DDX17: variants seen among roughly 807,000 people sequenced by gnomAD.
DDX17 encodes DEAD-box helicase 17, also known as probable ATP-dependent RNA helicase DDX17.
DDX17 carries 10 observed loss-of-function variants against 80.8 expected under a neutral mutation model. The ratio of observed to expected loss-of-function variants is 0.12; its 90% CI spans 0.08 to 0.21. The LOEUF (loss-of-function observed/expected upper bound fraction) is 0.21. Ranked by LOEUF, DDX17 falls within the 10% of genes least tolerant of loss-of-function variation. The pLI, the probability that DDX17 is intolerant of heterozygous loss-of-function variation, is 1.00. For synonymous variants in DDX17, 339 were observed against 336.2 expected (o/e 1.01, Z -0.09); for missense variants, 586 against 957.4 (o/e 0.61, Z 5.12).
At chr22:38,505,217 C>T (rs2089868710) in intron 1 of DDX17, 1 of 152,198 alleles carries the variant, frequency 6.6e-6, no homozygotes, top group African/African-American at 2.4e-5. Context: ...TCCACAATAC[C>T]AAGAACTTTC....
At chr22:38,502,865 T>C (rs2089844267) in intron 1 of DDX17, among the ~76,000 whole-genome samples, 1 of 152,234 alleles carries the variant, frequency 6.6e-6, no homozygotes, top group Non-Finnish European at 1.5e-5. Flanking sequence ...CTTCATCTTA[T>C]ATAAAGTTCC....
In DDX17 at chr22:38,497,655, A is replaced by G. The variant is rs1032079465; in HGVS notation, c.738+430T>C. Among the ~76,000 whole-genome samples, 3 of 143,492 alleles carry G rather than the reference A, an allele frequency of 2.1e-5. No homozygotes were observed. The Admixed American group carries it at 2.1e-4, about 10-fold the overall frequency. 94.1% of individuals were successfully genotyped at this position (143,492 alleles called of 152,430 possible). ...AAAAAAAAGAAAGAAGGCTGGACGCAGTGGCTCATGCCTGTAATCCCAGCA... is the reference window on the plus strand; with the variant it reads ...AAAAAAAAGAAAGAAGGCTGGACGCGGTGGCTCATGCCTGTAATCCCAGCA... On this transcript the variant is annotated intron_variant, in intron 5 of 12. Coordinates refer to ENST00000403230, the MANE Select transcript of DDX17 (RefSeq NM_006386.5).
At chr22:38,487,409 A>G (rs2066171079) in intron 12 of DDX17, among the ~76,000 whole-genome samples, 2 of 152,178 alleles carry the variant, frequency 1.3e-5, no homozygotes, top group Non-Finnish European at 2.9e-5. Context: ...ACCAGAGGTC[A>G]GGAGTTCGAG....
At chr22:38,498,411 A>G (rs754838109) in intron 4 of DDX17, 29 bp downstream of exon 4, 1 of 1,612,900 alleles carries the variant, frequency 6.2e-7, no homozygotes, top group Admixed American at 1.7e-5. Context: ...TTACCACAAT[A>G]TCAAGGATCT....
chr22:38,487,844 G>C (rs2089675757), intron 12 of DDX17, 35 bp downstream of exon 12: 4 of 1,611,816 alleles, frequency 2.5e-6, no homozygotes, highest in Non-Finnish European at 3.4e-6. Flanking sequence ...GAGATACCTT[G>C]GCAGTACCTG....
At position 38,501,119 on chromosome 22, in the gene DDX17, T is replaced by C. The variant is rs1417929907; in HGVS notation, c.438+11A>G. The C allele has an allele frequency of 9.9e-6, 16 of 1,613,254 alleles. No homozygotes were observed. Among genetic ancestry groups the C allele is most frequent in the Admixed American group, 3.3e-5 (2 of 59,802 alleles). On this transcript the variant is annotated intron_variant, in intron 2 of 12. Transcript: ENST00000403230. Reference sequence around the variant, plus strand: ...AATAATCTGTACATTAAAACACACATGTAAACTTACTGGTGTCAGCCTTGC... The same window carrying C: ...AATAATCTGTACATTAAAACACACACGTAAACTTACTGGTGTCAGCCTTGC...
chr22:38,488,565 AT>A (rs2089684507), intron 11 of DDX17: 3 of 995,892 alleles, frequency 3.0e-6, no homozygotes, highest in Non-Finnish European at 3.6e-6. Flanking sequence ...TACCAACAAC[AT>A]AACAAACTTA....
chr22:38,499,656 A>C (rs567606469), intron 2 of DDX17, among the ~76,000 whole-genome samples, 157 bp from the exon 3 acceptor site: 15 of 152,330 alleles, frequency 9.8e-5, no homozygotes, highest in African/African-American at 3.6e-4. Context: ...TAACTCTGCA[A>C]GGCTCCTACT....
chr22:38,485,745 C>A lies in DDX17; in HGVS notation c.*190G>T. ...TTCCAGACTGGATCATTTTGGTGGG[C>A]AGAAGAAACCTGGCAGTGAATTCTA... is the stretch of plus-strand genomic sequence containing the variant. On this transcript the variant is annotated 3_prime_UTR_variant, in exon 13 of 13. Coordinates refer to ENST00000403230, the MANE Select transcript of DDX17 (RefSeq NM_006386.5). 2 of 608,166 alleles carry A rather than the reference C, an allele frequency of 3.3e-6. No homozygotes were observed. Among genetic ancestry groups the A allele is most frequent in the South Asian group, 3.6e-5 (1 of 27,596 alleles). The allele number at this position is 608,166 out of a possible 1,614,324, so 37.7% of individuals were successfully genotyped here.
chr22:38,494,536 C>A, intron 8 of DDX17, 94 bp downstream of exon 8: 1 of 1,202,418 alleles, frequency 8.3e-7, no homozygotes, highest in Non-Finnish European at 1.2e-6. Context: ...GTTCTCAGGC[C>A]TCAAAATATA....
intron 5 of DDX17, among the ~76,000 whole-genome samples, chr22:38,496,714 T>C (rs1218299818): frequency 6.6e-6 from 1 of 152,180 alleles, no homozygotes; most frequent in Non-Finnish European, 1.5e-5. Context: ...TCCTGACCTC[T>C]AATTTAAGCA....
chr22:38,488,138 G>A, intron 11 of DDX17, 23 bp from the exon 12 acceptor site: 1 of 1,613,682 alleles, frequency 6.2e-7, no homozygotes, highest in East Asian at 2.2e-5. Context: ...TGATGAGTCA[G>A]TGTGTAGGTT....
chr22:38,485,840 A>C lies in DDX17; in HGVS notation c.*95T>G. 2 of 1,388,598 alleles carry C rather than the reference A, an allele frequency of 1.4e-6. No individual in the cohort carries two copies. Among genetic ancestry groups the C allele is most frequent in the Non-Finnish European group, 1.9e-6 (2 of 1,065,394 alleles). 86.0% of individuals were successfully genotyped at this position (1,388,598 alleles called of 1,614,324 possible). On this transcript the variant is annotated 3_prime_UTR_variant, in exon 13 of 13. Transcript: ENST00000403230. ...ATTAAAAAAAAAAAAAGAAAAAAGGAAAAAAAAAGAAAAGGCGAAGAGGAA... is the reference window on the plus strand; with the variant it reads ...ATTAAAAAAAAAAAAAGAAAAAAGGCAAAAAAAAGAAAAGGCGAAGAGGAA...
intron 1 of DDX17, chr22:38,505,656 G>A (rs2089873494): frequency 1.0e-5 from 4 of 394,600 alleles, no homozygotes; most frequent in South Asian, 4.8e-5. Context: ...CCGGGCCTGG[G>A]CTGATGCGGC....
rs2145686430 is a variant in DDX17 at position 38,488,069 on chromosome 22, G to A, written c.1494C>T (p.Ser498=). Reference sequence around the variant, plus strand: ...CAATACGGTGCACATAATCCTCTGAGCTGTTTGGATAGTCATAGTTGATCA... The same window carrying A: ...CAATACGGTGCACATAATCCTCTGAACTGTTTGGATAGTCATAGTTGATCA... The change falls in exon 12 of 13, where the codon AGC becomes AGT. Residue 498 remains serine (S), a synonymous_variant. Transcript: ENST00000403230. The A allele has an allele frequency of 6.2e-7, 1 of 1,614,188 alleles. No individual in the cohort carries two copies.
chr22:38,492,346 A>G (rs942300205), intron 10 of DDX17, among the ~76,000 whole-genome samples: 6 of 152,218 alleles, frequency 3.9e-5, no homozygotes, highest in Admixed American at 2.6e-4. Flanking sequence ...TACATAATTA[A>G]TATGAGCTAG....
chr22:38,486,546 T>C, intron 12 of DDX17, 106 bp from the exon 13 acceptor site: 1 of 1,420,710 alleles, frequency 7.0e-7, no homozygotes, highest in African/African-American at 1.4e-5. Context: ...CTCCTTGATA[T>C]TTAGTTATGC....
At position 38,485,895 on chromosome 22, in the gene DDX17, T is replaced by C; in HGVS notation, c.*40A>G. 6.3e-7 allele frequency: 1 copy of C among 1,583,076 alleles called. No individual in the cohort carries two copies. Among genetic ancestry groups the C allele is most frequent in the Non-Finnish European group, 8.6e-7 (1 of 1,164,724 alleles). ...AAAGGAAAGACAGTGTTCCTTAAAATGTAATTAAGTCTGCTGGAGTCACTA... is the reference window on the plus strand; with the variant it reads ...AAAGGAAAGACAGTGTTCCTTAAAACGTAATTAAGTCTGCTGGAGTCACTA... On this transcript the variant is annotated 3_prime_UTR_variant, in exon 13 of 13. Coordinates refer to ENST00000403230, the MANE Select transcript of DDX17 (RefSeq NM_006386.5).
intron 1 of DDX17, chr22:38,505,186 G>C (rs2089868422): frequency 6.6e-6 from 1 of 152,314 alleles, no homozygotes; most frequent in Non-Finnish European, 1.5e-5. Flanking sequence ...TGGGATTACA[G>C]GCCTGAGGCA....
Sources: allele counts gnomAD v4.1 joint callset (sites outside exome capture counted in the v4.1 genomes callset), GRCh38; gene constraint gnomAD v4.1.1; transcripts MANE v1.5; gene names NCBI Gene and HGNC (gene_info 2026-07-23, HGNC 2026-07-21).